MSL1: variants seen among roughly 807,000 people sequenced by gnomAD.
MSL1 encodes the protein male-specific lethal 1 homolog.
MSL1 carries 21 observed loss-of-function variants against 64.6 expected under a neutral mutation model. That is an observed-to-expected ratio of 0.33 (90% CI 0.23 to 0.47). The LOEUF is 0.47. Among genes scored for constraint, MSL1 ranks in the 20% least tolerant of loss-of-function variants. The probability of loss-of-function intolerance (pLI) is 1.00; values close to 1 mark genes in which losing one functional copy is unlikely to be tolerated. For synonymous variants in MSL1, 339 were observed against 329.6 expected (o/e 1.03, Z -0.31); for missense variants, 664 against 793.2 (o/e 0.84, Z 1.96).
chr17:40,134,690 C>A lies in MSL1; in HGVS notation c.*321C>A. 1 of 286,560 alleles carries A rather than the reference C, an allele frequency of 3.5e-6. No individual in the cohort carries two copies. Among genetic ancestry groups the A allele is most frequent in the Non-Finnish European group, 6.7e-6 (1 of 149,570 alleles). The allele number at this position is 286,560 out of a possible 1,614,324, so 17.8% of individuals were successfully genotyped here. The stretch of plus-strand genomic sequence containing the variant: ...TGCCTATGTTAAAGGGGTAAAAGGG[C>A]TCTCTTCATTAGACATGTGGAAGAT... On this transcript the variant is annotated 3_prime_UTR_variant, in exon 9 of 9. Transcript: ENST00000398532.
At position 40,129,262 on chromosome 17, in the gene MSL1, G is replaced by C; in HGVS notation, c.1010G>C (p.Ser337Thr). Reference sequence around the variant, plus strand: ...TCTAATAGGAAATCCCCATTTGGAAGTACAGAAAGAAAGACTCCTGTTAAA... The same window carrying C: ...TCTAATAGGAAATCCCCATTTGGAACTACAGAAAGAAAGACTCCTGTTAAA... ...KGHKRKSPFG[S>T]TERKTPVKKL... Residue 337 changes from serine to threonine, a missense_variant, in exon 3 of 9, where the codon AGT (serine) becomes ACT (threonine). Ser to Thr is a moderately conservative substitution (Grantham distance 58). Coordinates refer to ENST00000398532, the MANE Select transcript of MSL1 (RefSeq NM_001365919.1). 2 of 1,558,818 alleles carry C rather than the reference G, an allele frequency of 1.3e-6. No homozygotes were observed. Among genetic ancestry groups the C allele is most frequent in the Non-Finnish European group, 1.7e-6 (2 of 1,160,484 alleles).
At position 40,123,217 on chromosome 17, in the gene MSL1, TGAGG is replaced by T; in HGVS notation, c.606_609del (p.Met202IlefsTer48). On this transcript the variant is annotated frameshift_variant, in exon 1 of 9. Coordinates refer to ENST00000398532, the MANE Select transcript of MSL1 (RefSeq NM_001365919.1). LOFTEE classifies it high-confidence loss of function. ...GCCAGCGAGGGCAGATGGAAGAGTA[TGAGG>T]AAGAGCCCTCTCGGGGGTGGTGGCG... 6.5e-7 allele frequency: 1 copy of T among 1,535,432 alleles called. No individual in the cohort carries two copies. Among genetic ancestry groups the T allele is most frequent in the Non-Finnish European group, 8.7e-7 (1 of 1,146,792 alleles).
intron 2 of MSL1, 34 bp from the exon 3 acceptor site, chr17:40,129,211 T>A: frequency 6.8e-7 from 1 of 1,467,720 alleles, no homozygotes; most frequent in Non-Finnish European, 9.1e-7. Context: ...CAAGTGTCAA[T>A]AAATTTTATA....
intron 2 of MSL1, 105 bp downstream of exon 2, chr17:40,126,511 A>C: frequency 4.5e-6 from 5 of 1,107,316 alleles, no homozygotes; most frequent in Non-Finnish European, 6.6e-6. Context: ...TTGCTTTAGA[A>C]GTCTTCTATG....
intron 6 of MSL1, 80 bp from the exon 7 acceptor site, chr17:40,133,454 T>G (rs1399838566): frequency 5.3e-6 from 8 of 1,510,486 alleles, no homozygotes; most frequent in Non-Finnish European, 7.1e-6. Context: ...ATCTGGATTG[T>G]GTGAGTTGCT....
rs1988400865 is a variant in MSL1 at position 40,129,620 on chromosome 17, T to G, written c.1368T>G (p.Thr456=). The change falls in exon 3 of 9, where the codon ACT becomes ACG. Residue 456 remains threonine (T), a synonymous_variant. Coordinates refer to ENST00000398532, the MANE Select transcript of MSL1 (RefSeq NM_001365919.1). Reference sequence around the variant, plus strand: ...AATCCTCTCCAAAGAAGGAGGAGACTGTAGCAAGTAAGGCATAGAGAACAC... The same window carrying G: ...AATCCTCTCCAAAGAAGGAGGAGACGGTAGCAAGTAAGGCATAGAGAACAC... ...LRESSPKKEE[T]VARCLMPSSV... 6.2e-7 allele frequency: 1 copy of G among 1,601,160 alleles called. No individual in the cohort carries two copies. Among genetic ancestry groups the G allele is most frequent in the African/African-American group, 1.3e-5 (1 of 74,356 alleles).
Position 40,122,821 on chromosome 17 carries a change from C to A in MSL1, c.209C>A (p.Ser70Tyr). 7.3e-7 allele frequency: 1 copy of A among 1,369,844 alleles called. No homozygotes were observed. Among genetic ancestry groups the A allele is most frequent in the Non-Finnish European group, 9.3e-7 (1 of 1,070,224 alleles). The allele number at this position is 1,369,844 out of a possible 1,614,324, so 84.9% of individuals were successfully genotyped here. A position where few individuals can be genotyped will look rare whatever the true frequency, so the allele number is the denominator to read the frequency against. The change falls in exon 1 of 9, where the codon TCC becomes TAC. Residue 70 changes from serine (S) to tyrosine (Y), a missense_variant. Around this residue, in one of 4 missense-constraint regions of MSL1, gnomAD observed 466 missense variants for 499.0 expected, o/e 0.93. Transcript: ENST00000398532. The surrounding 1 kb of genome is among the most constrained non-coding windows in gnomAD (Gnocchi z 4.2). ...ASSQGGSPAP[S>Y]PAGCGGKGRG... ...TCCCAGGGCGGGAGCCCCGCGCCTT[C>A]CCCGGCCGGCTGCGGCGGCAAGGGC...
At chr17:40,127,907 G>A (rs377007288) in intron 2 of MSL1, among the ~76,000 whole-genome samples, 2 of 152,108 alleles carry the variant, frequency 1.3e-5, no homozygotes, top group African/African-American at 4.8e-5. Flanking sequence ...GGTGGATCAC[G>A]AGGTCAGGAG....
chr17:40,134,425 G>C lies in MSL1; in HGVS notation c.*56G>C. On this transcript the variant is annotated 3_prime_UTR_variant, in exon 9 of 9. Transcript: ENST00000398532. Reference sequence around the variant, plus strand: ...GTTGTAGCATGCCATTCCCGAGAGTGGCAGAGACCTGTATATGTGACCTTT... The same window carrying C: ...GTTGTAGCATGCCATTCCCGAGAGTCGCAGAGACCTGTATATGTGACCTTT... 3.5e-6 allele frequency: 5 copies of C among 1,421,954 alleles called. No homozygotes were observed. Among genetic ancestry groups the C allele is most frequent in the Non-Finnish European group, 4.9e-6 (5 of 1,028,592 alleles). 88.1% of individuals were successfully genotyped at this position (1,421,954 alleles called of 1,614,324 possible).
At position 40,126,290 on chromosome 17, in the gene MSL1, G is replaced by A. The variant is rs2145129088; in HGVS notation, c.876G>A (p.Glu292=). 2 of 1,614,008 alleles carry A rather than the reference G, an allele frequency of 1.2e-6. No homozygotes were observed. Among genetic ancestry groups the A allele is most frequent in the African/African-American group, 1.3e-5 (1 of 75,040 alleles). ...LFQGYETEER[E]ETELSEKIKL... The stretch of plus-strand genomic sequence containing the variant: ...AGGGCTATGAAACTGAAGAGAGAGA[G>A]GAAACAGAGCTATCTGAGAAAATTA... Residue 292 remains glutamate (E), a synonymous_variant, in exon 2 of 9, where the codon GAG becomes GAA. Coordinates refer to ENST00000398532, the MANE Select transcript of MSL1 (RefSeq NM_001365919.1).
At position 40,134,753 on chromosome 17, in the gene MSL1, A is replaced by G; in HGVS notation, c.*384A>G. The G allele has an allele frequency of 5.2e-6, 1 of 191,304 alleles. No homozygotes were observed. The highest frequency in any genetic ancestry group is 1.4e-4 in the East Asian group (1 of 7,082). 11.9% of individuals were successfully genotyped at this position (191,304 alleles called of 1,614,324 possible). On this transcript the variant is annotated 3_prime_UTR_variant, in exon 9 of 9. Coordinates refer to ENST00000398532, the MANE Select transcript of MSL1 (RefSeq NM_001365919.1). ...TCCTTTAGAGCTGTGCCTGCATGGCACTCTTCTCACCCTGGTACACCCTCC... is the reference window on the plus strand; with the variant it reads ...TCCTTTAGAGCTGTGCCTGCATGGCGCTCTTCTCACCCTGGTACACCCTCC...
rs1988509894 is a variant in MSL1 at position 40,134,831 on chromosome 17, A to G, written c.*462A>G. The G allele has an allele frequency of 6.4e-6, 1 of 155,880 alleles. No individual in the cohort carries two copies. Among genetic ancestry groups the G allele is most frequent in the African/African-American group, 2.4e-5 (1 of 41,488 alleles). The allele number at this position is 155,880 out of a possible 1,614,324, so 9.7% of individuals were successfully genotyped here. A position where few individuals can be genotyped will look rare whatever the true frequency, so the allele number is the denominator to read the frequency against. On this transcript the variant is annotated 3_prime_UTR_variant, in exon 9 of 9. Transcript: ENST00000398532. ...CTAAAATAAAACAAACAACCTCACC[A>G]TGAGCTTTAGGACCAGAAGAGGAAT...
rs888168475 is a variant in MSL1, at chr17:40,131,433, AT to A, written c.1376-103del. Reference sequence around the variant, plus strand: ...TCAAAAGAACAACTCAAAAAACAAAATGGCTTCCTAGTGAGAACTTCAGTGA... The same window carrying A: ...TCAAAAGAACAACTCAAAAAACAAAAGGCTTCCTAGTGAGAACTTCAGTGA... On this transcript the variant is annotated intron_variant, in intron 3 of 8. Transcript: ENST00000398532. This position sits in a 1 kb window ranked among gnomAD's most constrained non-coding sequence, Gnocchi z 4.5. 7.0e-6 allele frequency: 7 copies of A among 1,000,104 alleles called. No homozygotes were observed. The highest frequency in any genetic ancestry group is 1.6e-5 in the African/African-American group (1 of 61,792). 62.0% of individuals were successfully genotyped at this position (1,000,104 alleles called of 1,614,324 possible).
chr17:40,126,593 G>A (rs954889090), intron 2 of MSL1, 187 bp downstream of exon 2: 2 of 593,626 alleles, frequency 3.4e-6, no homozygotes, highest in Non-Finnish European at 6.0e-6. Flanking sequence ...TGGATCATGA[G>A]GTCAAGAGAT....
intron 1 of MSL1, among the ~76,000 whole-genome samples, chr17:40,123,802 G>C (rs928377684): frequency 1.3e-5 from 2 of 152,190 alleles, no homozygotes; most frequent in Admixed American, 1.3e-4. Flanking sequence ...AGCAGCTGTT[G>C]CTTTCACCAC....
rs1005952393 is a variant in MSL1, at chr17:40,131,266, T to C, written c.1376-271T>C. On this transcript the variant is annotated intron_variant, in intron 3 of 8. Coordinates refer to ENST00000398532, the MANE Select transcript of MSL1 (RefSeq NM_001365919.1). This position sits in a 1 kb window ranked among gnomAD's most constrained non-coding sequence, Gnocchi z 4.5. ...CATGTTCTGAGTTTAAGGTTTGATA[T>C]CCTTGGCCATCAACTGTTGCAGGGA... 2 of 346,730 alleles carry C rather than the reference T, an allele frequency of 5.8e-6. No individual in the cohort carries two copies. The highest frequency in any genetic ancestry group is 1.1e-5 in the Non-Finnish European group (2 of 186,060). The allele number at this position is 346,730 out of a possible 1,614,324, so 21.5% of individuals were successfully genotyped here. A position where few individuals can be genotyped will look rare whatever the true frequency, so the allele number is the denominator to read the frequency against.
Position 40,122,310 on chromosome 17 carries a change from T to G in MSL1, c.-303T>G. On this transcript the variant is annotated 5_prime_UTR_variant, in exon 1 of 9. The change abolishes an upstream ATG in the 5' untranslated region. Transcript: ENST00000398532. This position sits in a 1 kb window ranked among gnomAD's most constrained non-coding sequence, Gnocchi z 4.2. ...GGGGGGCCGAAGCGAGCTCCGGGGA[T>G]GAGCTCGGGGGCGGCTGGGTGCGAG... The G allele has an allele frequency of 1.3e-5, 2 of 156,610 alleles. No homozygotes were observed. Among genetic ancestry groups the G allele is most frequent in the Non-Finnish European group, 1.4e-5 (1 of 73,984 alleles). The allele number at this position is 156,610 out of a possible 1,614,324, so 9.7% of individuals were successfully genotyped here. A position where few individuals can be genotyped will look rare whatever the true frequency, so the allele number is the denominator to read the frequency against.
At chr17:40,125,774 T>TC (rs1393223840) in intron 1 of MSL1, among the ~76,000 whole-genome samples, 2 of 152,040 alleles carry the variant, frequency 1.3e-5, no homozygotes, top group Non-Finnish European at 2.9e-5. Context: ...AGAGCAAAAC[T>TC]CCGTCTCAAA....
intron 2 of MSL1, chr17:40,126,632 C>T (rs1386892636): frequency 2.0e-6 from 1 of 494,426 alleles, no homozygotes; most frequent in African/African-American, 1.9e-5. Flanking sequence ...CATTTTGAAA[C>T]CCCGTCTCTA....
Sources: gnomAD v4.1 joint callset for allele counts (sites outside exome capture counted in the v4.1 genomes callset) on GRCh38, gnomAD v4.1.1 for gene constraint, gnomAD v4.1.1 regional missense constraint, Gnocchi (gnomAD v3.1) non-coding constraint, MANE v1.5 for transcripts, NCBI Gene and HGNC (gene_info 2026-07-23, HGNC 2026-07-21) for gene names.